The following MYT1 variants were observed in gnomAD, a reference collection of about 807,000 sequenced individuals.
MYT1 encodes myelin transcription factor 1.
A neutral mutation model predicts 123.0 loss-of-function variants in MYT1; 23 were observed. The ratio of observed to expected loss-of-function variants is 0.19; its 90% CI spans 0.13 to 0.26. The LOEUF (loss-of-function observed/expected upper bound fraction) is 0.26. Ranked by LOEUF, MYT1 falls within the 10% of genes least tolerant of loss-of-function variation. The probability of loss-of-function intolerance (pLI) is 1.00; values close to 1 mark genes in which losing one functional copy is unlikely to be tolerated. For synonymous variants in MYT1, 518 were observed against 575.3 expected, an observed-to-expected ratio of 0.90 and a Z score of 1.43; for missense variants, 1,125 against 1,472.5, an observed-to-expected ratio of 0.76 and a Z score of 3.86.
At chr20:64,206,602 G>C (rs1030424309) in intron 6 of MYT1, among the ~76,000 whole-genome samples, 3 of 152,226 alleles carry the variant, frequency 2.0e-5, no homozygotes, top group Admixed American at 6.5e-5. Context: ...AAGGGTCTGA[G>C]ATGGATTTCA....
At chr20:64,187,902 C>A (rs1345550482) in intron 1 of MYT1, among the ~76,000 whole-genome samples, 1 of 152,238 alleles carries the variant, frequency 6.6e-6, no homozygotes, top group African/African-American at 2.4e-5. Flanking sequence ...GGGTGCCATT[C>A]TGCTCTTTTG....
At chr20:64,238,302 G>A (rs2145738445) in intron 21 of MYT1, among the ~76,000 whole-genome samples, 1 of 152,328 alleles carries the variant, frequency 6.6e-6, no homozygotes, top group South Asian at 2.1e-4. Context: ...GGACAGATGG[G>A]GAGATGGTGG....
At chr20:64,237,166 C>T (rs1984576711) in intron 20 of MYT1, 121 bp from the exon 21 acceptor site, 1 of 692,332 alleles carries the variant, frequency 1.4e-6, no homozygotes, top group African/African-American at 1.8e-5. Flanking sequence ...CTCGGAAAAC[C>T]AGGAGGGGAG....
At position 64,219,869 on chromosome 20, in the gene MYT1, C is replaced by T. The variant is rs1379795403; in HGVS notation, c.2128C>T (p.Pro710Ser). 6.3e-7 allele frequency: 1 copy of T among 1,595,482 alleles called. No homozygotes were observed. The highest frequency in any genetic ancestry group is 1.8e-5 in the Admixed American group (1 of 56,258). The change falls in exon 13 of 23, where the codon CCC becomes TCC. Residue 710 changes from proline (P) to serine (S), a missense_variant. Pro to Ser is a moderately conservative substitution (Grantham distance 74). Coordinates refer to ENST00000328439, the MANE Select transcript of MYT1 (RefSeq NM_004535.3). ...ASQRHSSTSA[P>S]SSSMTSPQSS... ...CCAGCGCCACAGCAGCACCAGCGCC[C>T]CCAGCAGCTCCATGACCTCTCCCCA... is the stretch of plus-strand genomic sequence containing the variant.
At chr20:64,198,057 G>T (rs1190917391) in intron 2 of MYT1, among the ~76,000 whole-genome samples, 2 of 151,964 alleles carry the variant, frequency 1.3e-5, no homozygotes, top group Non-Finnish European at 2.9e-5. Context: ...AGGCCGAGAC[G>T]GGCGGATCAC....
intron 14 of MYT1, 87 bp downstream of exon 14, chr20:64,222,134 G>A (rs767162790): frequency 2.4e-5 from 36 of 1,490,838 alleles, no homozygotes; most frequent in Non-Finnish European, 2.9e-5. Context: ...CATGACGACC[G>A]GGTCTGCTCA....
chr20:64,237,573 G>A (rs1298222911), intron 21 of MYT1, among the ~76,000 whole-genome samples, 183 bp downstream of exon 21: 2 of 152,258 alleles, frequency 1.3e-5, no homozygotes, highest in East Asian at 1.9e-4. Context: ...TGCGGAGTCC[G>A]TGAAGTCACA....
chr20:64,198,899 G>T lies in MYT1; in HGVS notation c.38G>T (p.Arg13Leu), dbSNP rs367847705. The T allele has an allele frequency of 6.2e-7, 1 of 1,614,108 alleles. No individual in the cohort carries two copies. The highest frequency in any genetic ancestry group is 2.2e-5 in the East Asian group (1 of 44,872). Residue 13 changes from arginine (R) to leucine (L), a missense_variant, in exon 3 of 23, where the codon CGA (arginine) becomes CTA (leucine). By Grantham distance (102) the Arg-to-Leu change is moderately radical. Coordinates refer to ENST00000328439, the MANE Select transcript of MYT1 (RefSeq NM_004535.3). The part of the protein sequence containing the change: ...LENEDKRART[R>L]SKALRGPPET... ...AATGAAGACAAGCGAGCTCGCACCC[G>T]ATCCAAGGCCCTGCGAGGTGAGTGC...
intron 2 of MYT1, among the ~76,000 whole-genome samples, chr20:64,195,390 G>A (rs867984332): frequency 2.4e-5 from 2 of 81,636 alleles, no homozygotes; most frequent in African/African-American, 5.4e-5. Context: ...GTGTGTGTGT[G>A]TGTGTGTATA....
chr20:64,205,356 G>C (rs2145714711), intron 5 of MYT1, among the ~76,000 whole-genome samples, 197 bp from the exon 6 acceptor site: 1 of 152,186 alleles, frequency 6.6e-6, no homozygotes, highest in Non-Finnish European at 1.5e-5. Context: ...GTGGCCATGG[G>C]CGTGCCATGT....
rs963233985 is a variant in MYT1 at position 64,213,368 on chromosome 20, G to C, written c.1518-166G>C. 2.0e-5 allele frequency among the ~76,000 whole-genome samples: 3 copies of C among 152,172 alleles called. No homozygotes were observed. The highest frequency in any genetic ancestry group is 2.0e-4 in the Admixed American group (3 of 15,280). On this transcript the variant is annotated intron_variant, in intron 9 of 22. Transcript: ENST00000328439. The surrounding 1 kb of genome is among the most constrained non-coding windows in gnomAD (Gnocchi z 5.6). ...GAACAGAGCCAGAGAGAAAACCCCT[G>C]TCCTGCAGAATGACAGGGTTATTCC...
At position 64,212,172 on chromosome 20, in the gene MYT1, A is replaced by C; in HGVS notation, c.1517+34A>C. 3.0e-6 allele frequency: 3 copies of C among 991,784 alleles called. No individual in the cohort carries two copies. The highest frequency in any genetic ancestry group is 4.0e-6 in the Non-Finnish European group (3 of 747,090). The allele number at this position is 991,784 out of a possible 1,614,324, so 61.4% of individuals were successfully genotyped here. On this transcript the variant is annotated intron_variant, in intron 9 of 22. Coordinates refer to ENST00000328439, the MANE Select transcript of MYT1 (RefSeq NM_004535.3). This position sits in a 1 kb window ranked among gnomAD's most constrained non-coding sequence, Gnocchi z 6.8. ...ACTGAGCTGGGCCGTAGTGGGGGCC[A>C]GGGTGGGGGCCGTGGTGGGGGCCAG...
At chr20:64,236,302 C>T (rs1984539779) in intron 19 of MYT1, among the ~76,000 whole-genome samples, 1 of 142,364 alleles carries the variant, frequency 7.0e-6, no homozygotes, top group Admixed American at 7.0e-5. Flanking sequence ...GGTGGGTGAC[C>T]CTGGGATGGC....
intron 17 of MYT1, 79 bp from the exon 18 acceptor site, chr20:64,227,809 G>A (rs1433281369): frequency 8.2e-7 from 1 of 1,222,060 alleles, no homozygotes; most frequent in Admixed American, 2.1e-5. Flanking sequence ...CAGAGCTTGA[G>A]GGGAGAGGGT....
chr20:64,239,833 T>C lies in MYT1; in HGVS notation c.3167T>C (p.Leu1056Pro). The change falls in exon 22 of 23, where the codon CTG becomes CCG. Residue 1056 changes from leucine (L) to proline (P), a missense_variant. This residue lies in a region of MYT1 where 243 missense variants were observed against 323.1 expected (regional missense o/e 0.75). Transcript: ENST00000328439. ...NKLIEEQNEA[L>P]FLELSGLSQA... ...CTCATTGAGGAGCAGAATGAAGCCCTGTTTCTGGAGCTGTCCGGCCTGAGC... is the reference window on the plus strand; with the variant it reads ...CTCATTGAGGAGCAGAATGAAGCCCCGTTTCTGGAGCTGTCCGGCCTGAGC... 1.2e-6 allele frequency: 2 copies of C among 1,613,954 alleles called. No individual in the cohort carries two copies. The highest frequency in any genetic ancestry group is 1.7e-6 in the Non-Finnish European group (2 of 1,180,032).
chr20:64,210,188 G>A (rs2145718381), intron 7 of MYT1, among the ~76,000 whole-genome samples: 1 of 152,338 alleles, frequency 6.6e-6, no homozygotes, highest in South Asian at 2.1e-4. Context: ...CAGATGCAAG[G>A]CATCCTGCCT....
intron 13 of MYT1, 92 bp downstream of exon 13, chr20:64,220,074 C>G: frequency 1.4e-6 from 2 of 1,404,924 alleles, no homozygotes; most frequent in Non-Finnish European, 1.9e-6. Flanking sequence ...AAGGAAGCTT[C>G]TCCTCACAGG....
chr20:64,210,450 C>G (rs1226227523), intron 7 of MYT1, among the ~76,000 whole-genome samples: 8 of 152,216 alleles, frequency 5.3e-5, no homozygotes, highest in Non-Finnish European at 1.0e-4. Flanking sequence ...CTCAGGACAC[C>G]CCTGCCTGTC....
Position 64,219,638 on chromosome 20 carries a change from T to C in MYT1, c.1972-75T>C, listed in dbSNP as rs915512595. The C allele has an allele frequency of 3.0e-6, 4 of 1,335,502 alleles. No homozygotes were observed. The African/African-American group carries it at 4.4e-5, about 15-fold the overall frequency. The allele number at this position is 1,335,502 out of a possible 1,614,324, so 82.7% of individuals were successfully genotyped here. ...GAACCAGTGTTCTGGACTCTGTACG[T>C]TTGATTCAAATGGACCAGAAGGCAC... is the stretch of plus-strand genomic sequence containing the variant. On this transcript the variant is annotated intron_variant, in intron 12 of 22. Transcript: ENST00000328439.
Sources: allele counts gnomAD v4.1 joint callset (sites outside exome capture counted in the v4.1 genomes callset), GRCh38; gene constraint gnomAD v4.1.1; regional missense constraint gnomAD v4.1.1; non-coding constraint Gnocchi (gnomAD v3.1); transcripts MANE v1.5; gene names NCBI Gene and HGNC (gene_info 2026-07-23, HGNC 2026-07-21).